Variants in WWOX observed in about 807,000 individuals in gnomAD.
WWOX encodes the protein WW domain-containing oxidoreductase.
A neutral mutation model predicts 46.2 loss-of-function variants in WWOX; 69 were observed. The observed-to-expected ratio is 1.49, with a 90% CI of 1.23 to 1.82. The LOEUF is 1.82. Ranked by LOEUF, WWOX falls within the 40% of genes most tolerant of loss-of-function variation. The pLI is 0.00. For missense variants in WWOX, 919 were observed against 542.6 expected (o/e 1.69, Z -6.89); for synonymous variants, 359 against 202.6 (o/e 1.77, Z -6.56).
chr16:78,157,662 T>G lies in WWOX; in HGVS notation c.410-6521T>G, dbSNP rs189714674. 2.9e-3 allele frequency among the ~76,000 whole-genome samples: 448 copies of G among 152,314 alleles called. 1 individual carries two copies. The highest frequency in any genetic ancestry group is 0.01 in the African/African-American group (428 of 41,570). ...GATTTGGCAAAATCTCAAGAAATAA[T>G]TTCAGGTTGTCTCAGCAATGAGGTT... On this transcript the variant is annotated intron_variant, in intron 4 of 8. Transcript: ENST00000566780.
chr16:78,585,217 A>T (rs1007320083), intron 8 of WWOX, among the ~76,000 whole-genome samples: 4 of 152,230 alleles, frequency 2.6e-5, no homozygotes, highest in Non-Finnish European at 5.9e-5. Flanking sequence ...GGTGTGGCCC[A>T]TAAAATGTAA....
intron 8 of WWOX, among the ~76,000 whole-genome samples, chr16:78,957,150 T>G (rs2046183703): frequency 6.6e-6 from 1 of 152,194 alleles, no homozygotes; most frequent in African/African-American, 2.4e-5. Flanking sequence ...CCATGAGTGT[T>G]GCAATCTGAG....
chr16:78,412,042 G>A (rs1042244104), intron 6 of WWOX, among the ~76,000 whole-genome samples: 3 of 152,184 alleles, frequency 2.0e-5, no homozygotes, highest in African/African-American at 7.2e-5. Context: ...ATGTGAGGGT[G>A]CCCTCCAGCA....
chr16:78,596,848 G>A (rs950138734), intron 8 of WWOX, among the ~76,000 whole-genome samples: 6 of 152,018 alleles, frequency 3.9e-5, no homozygotes, highest in African/African-American at 1.5e-4. Flanking sequence ...GCAGTGATGG[G>A]GCTGGCTTTG....
chr16:79,137,444 T>C (rs1270540246), intron 8 of WWOX, among the ~76,000 whole-genome samples: 1 of 152,218 alleles, frequency 6.6e-6, no homozygotes, highest in Non-Finnish European at 1.5e-5. Context: ...AATTCACTTA[T>C]GAATGTTCTA....
intron 8 of WWOX, among the ~76,000 whole-genome samples, chr16:78,722,249 G>C (rs548470662): frequency 3.9e-5 from 6 of 152,278 alleles, no homozygotes; most frequent in Admixed American, 2.0e-4. Context: ...GGTTCAGACG[G>C]ACTTGGGGTT....
intron 8 of WWOX, among the ~76,000 whole-genome samples, chr16:78,538,958 G>A (rs888121940): frequency 5.3e-5 from 8 of 152,122 alleles, no homozygotes; most frequent in African/African-American, 1.7e-4. Context: ...TGCTTTGGAC[G>A]GCAAACCAAG....
intron 5 of WWOX, among the ~76,000 whole-genome samples, chr16:78,339,252 T>A (rs4888782): frequency 0.41 from 47,670 of 116,450 alleles, 17,213 homozygotes; most frequent in African/African-American, 0.47. Flanking sequence ...TGCACCTTAT[T>A]TTTTCCCTGG....
In WWOX at chr16:79,209,811, G is replaced by C. The variant is rs1320394538; in HGVS notation, c.1057-1797G>C. ...TGCAGAAGAGCCAGATAAACCCCTT[G>C]AAGTTGTTTAGATAAATGTGCCAGG... On this transcript the variant is annotated intron_variant, in intron 8 of 8. Transcript: ENST00000566780. Among the ~76,000 whole-genome samples, 5 of 152,290 alleles carry C rather than the reference G, an allele frequency of 3.3e-5. No individual in the cohort carries two copies. The East Asian group carries it at 9.7e-4, about 29-fold the overall frequency.
intron 8 of WWOX, among the ~76,000 whole-genome samples, chr16:78,454,033 A>G (rs965968598): frequency 1.3e-5 from 2 of 152,180 alleles, no homozygotes; most frequent in African/African-American, 4.8e-5. Context: ...AGTGAGAAAT[A>G]TATGCCATTA....
chr16:79,118,531 G>A (rs1418461883), intron 8 of WWOX, among the ~76,000 whole-genome samples: 6 of 152,158 alleles, frequency 3.9e-5, no homozygotes, highest in Non-Finnish European at 8.8e-5. Flanking sequence ...ATGCAAAGTT[G>A]CCAGAAACCT....
intron 8 of WWOX, among the ~76,000 whole-genome samples, chr16:78,645,678 C>A (rs1351008192): frequency 6.6e-6 from 1 of 152,074 alleles, no homozygotes; most frequent in South Asian, 2.1e-4. Context: ...AGAGGGAGAA[C>A]ATTAATCTAG....
chr16:78,307,270 A>G (rs1026529813), intron 5 of WWOX, among the ~76,000 whole-genome samples: 2 of 152,214 alleles, frequency 1.3e-5, no homozygotes, highest in African/African-American at 4.8e-5. Flanking sequence ...TTCTTGAACA[A>G]GTGAATAGAG....
intron 8 of WWOX, among the ~76,000 whole-genome samples, chr16:79,008,615 A>G (rs1948920360): frequency 6.6e-6 from 1 of 152,196 alleles, no homozygotes; most frequent in Non-Finnish European, 1.5e-5. Flanking sequence ...ATTATGCACC[A>G]TGCCAAAGGC....
chr16:78,807,690 C>G (rs1029932391), intron 8 of WWOX, among the ~76,000 whole-genome samples: 6 of 152,188 alleles, frequency 3.9e-5, no homozygotes, highest in Non-Finnish European at 8.8e-5. Context: ...TCAGCTGATT[C>G]TCAGAAAGAA....
chr16:78,712,792 A>T (rs1362315672), intron 8 of WWOX, among the ~76,000 whole-genome samples: 1 of 152,198 alleles, frequency 6.6e-6, no homozygotes, highest in African/African-American at 2.4e-5. Context: ...AATAATGCGG[A>T]AAAAACTGTT....
At chr16:78,562,570 C>T (rs1164273170) in intron 8 of WWOX, among the ~76,000 whole-genome samples, 1 of 152,176 alleles carries the variant, frequency 6.6e-6, no homozygotes, top group Non-Finnish European at 1.5e-5. Flanking sequence ...GCACGTGCCT[C>T]CCTCTGGGCT....
chr16:78,948,800 G>C (rs545525068), intron 8 of WWOX, among the ~76,000 whole-genome samples: 1 of 152,216 alleles, frequency 6.6e-6, no homozygotes, highest in South Asian at 2.1e-4. Flanking sequence ...ATGTAATTAA[G>C]GTAACTAATC....
At chr16:78,765,477 G>A (rs1290256446) in intron 8 of WWOX, among the ~76,000 whole-genome samples, 2 of 152,132 alleles carry the variant, frequency 1.3e-5, no homozygotes, top group East Asian at 1.9e-4. Flanking sequence ...TCAGGAGTTC[G>A]AGACCAGCCT....
Sources: gnomAD v4.1 joint callset for allele counts (sites outside exome capture counted in the v4.1 genomes callset) on GRCh38, gnomAD v4.1.1 for gene constraint, MANE v1.5 for transcripts, NCBI Gene and HGNC (gene_info 2026-07-23, HGNC 2026-07-21) for gene names.